Variants in SLC24A2 observed in about 807,000 individuals in gnomAD.
SLC24A2 encodes the protein sodium/potassium/calcium exchanger 2.
A neutral mutation model predicts 62.0 loss-of-function variants in SLC24A2; 36 were observed. That is an observed-to-expected ratio of 0.58 (90% CI 0.44 to 0.77). The LOEUF (loss-of-function observed/expected upper bound fraction) is 0.77. Ranked by LOEUF, SLC24A2 falls within the 30% of genes least tolerant of loss-of-function variation. The pLI is 0.00. For missense variants in SLC24A2, 846 were observed against 817.9 expected (o/e 1.03, Z -0.42); for synonymous variants, 358 against 294.0 (o/e 1.22, Z -2.23).
chr9:19,701,213 T>C (rs969996232), intron 2 of SLC24A2, among the ~76,000 whole-genome samples: 13 of 152,244 alleles, frequency 8.5e-5, no homozygotes, highest in Non-Finnish European at 1.8e-4. Flanking sequence ...GATCTGCATG[T>C]ACCATGACTG....
the SLC24A2 span, among the ~76,000 whole-genome samples, chr9:20,137,341 T>C: frequency 6.6e-6 from 1 of 152,020 alleles, no homozygotes; most frequent in African/African-American, 2.4e-5. Context: ...AGTGGAGGAG[T>C]CTAGGATTTT....
chr9:19,895,509 A>G, the SLC24A2 span, among the ~76,000 whole-genome samples: 1 of 150,210 alleles, frequency 6.7e-6, no homozygotes, highest in African/African-American at 2.5e-5. Context: ...AGTGATATCT[A>G]ACACATTCCC....
the SLC24A2 span, among the ~76,000 whole-genome samples, chr9:20,054,118 T>C: frequency 6.6e-6 from 1 of 152,182 alleles, no homozygotes; most frequent in Admixed American, 6.5e-5. Context: ...TGGTGTTTAG[T>C]TGCATGGAAA....
the SLC24A2 span, among the ~76,000 whole-genome samples, chr9:20,295,036 G>GTA: frequency 0.11 from 15,902 of 145,528 alleles, 1,498 homozygotes; most frequent in East Asian, 0.25. Context: ...GTGTATATAT[G>GTA]TATATATATA....
At chr9:19,941,613 G>GAA in the SLC24A2 span, among the ~76,000 whole-genome samples, 2 of 151,514 alleles carry the variant, frequency 1.3e-5, no homozygotes, top group African/African-American at 2.4e-5. Flanking sequence ...GAGAGAGAAA[G>GAA]AGAGAGTTGT....
At chr9:19,712,495 C>T (rs905073551) in intron 2 of SLC24A2, among the ~76,000 whole-genome samples, 30 of 152,050 alleles carry the variant, frequency 2.0e-4, no homozygotes, top group African/African-American at 7.2e-4. Flanking sequence ...AGCTAGTTCT[C>T]CTTGGGGAGT....
intron 8 of SLC24A2, among the ~76,000 whole-genome samples, chr9:19,548,777 G>T (rs1330964461): frequency 6.6e-6 from 1 of 152,336 alleles, no homozygotes; most frequent in Non-Finnish European, 1.5e-5. Context: ...CATGGCCAGG[G>T]TAGCCACTGG....
At chr9:20,005,980 A>C in the SLC24A2 span, among the ~76,000 whole-genome samples, 1 of 151,758 alleles carries the variant, frequency 6.6e-6, no homozygotes, top group Non-Finnish European at 1.5e-5. Context: ...TCCTTTTAGG[A>C]AATTTGTATA....
the SLC24A2 span, among the ~76,000 whole-genome samples, chr9:20,135,306 A>C: frequency 6.7e-6 from 1 of 149,448 alleles, no homozygotes; most frequent in Non-Finnish European, 1.5e-5. Context: ...TACAATTTAA[A>C]ATTTTAATTT....
At chr9:19,954,264 T>A in the SLC24A2 span, among the ~76,000 whole-genome samples, 2 of 152,118 alleles carry the variant, frequency 1.3e-5, no homozygotes, top group Admixed American at 6.5e-5. Context: ...ATACCTCTAC[T>A]GCAACTTGAG....
the SLC24A2 span, among the ~76,000 whole-genome samples, chr9:19,794,999 C>T: frequency 6.6e-6 from 1 of 152,180 alleles, no homozygotes; most frequent in Admixed American, 6.5e-5. Flanking sequence ...GAGCCATGTG[C>T]CTTGAGCCTC....
chr9:19,918,872 A>G, the SLC24A2 span, among the ~76,000 whole-genome samples: 3 of 152,176 alleles, frequency 2.0e-5, no homozygotes, highest in South Asian at 4.1e-4. Context: ...AAACGCCTAT[A>G]AAAAAGGGGG....
chr9:20,089,447 C>A, the SLC24A2 span, among the ~76,000 whole-genome samples: 1 of 152,076 alleles, frequency 6.6e-6, no homozygotes, highest in African/African-American at 2.4e-5. Flanking sequence ...ACTGCCCTAA[C>A]AGCTCTCAGC....
chr9:19,724,000 T>A (rs1821101928), intron 2 of SLC24A2, among the ~76,000 whole-genome samples: 1 of 152,168 alleles, frequency 6.6e-6, no homozygotes, highest in South Asian at 2.1e-4. Flanking sequence ...CTTTAATTTA[T>A]AACCTAACTC....
At chr9:19,972,945 C>T in the SLC24A2 span, among the ~76,000 whole-genome samples, 3 of 152,214 alleles carry the variant, frequency 2.0e-5, no homozygotes, top group South Asian at 2.1e-4. Context: ...GTTTAAATAA[C>T]GATGTTAAGC....
chr9:19,590,639 C>A (rs1431198292), intron 5 of SLC24A2, among the ~76,000 whole-genome samples: 2 of 152,164 alleles, frequency 1.3e-5, no homozygotes, highest in African/African-American at 4.8e-5. Context: ...TACTTCTGTT[C>A]CCATCTGTGA....
At chr9:19,980,181 C>T in the SLC24A2 span, among the ~76,000 whole-genome samples, 2 of 152,162 alleles carry the variant, frequency 1.3e-5, no homozygotes, top group Non-Finnish European at 1.5e-5. Context: ...TCAAGTGATA[C>T]TTTTCAAATT....
the SLC24A2 span, among the ~76,000 whole-genome samples, chr9:19,952,343 T>C: frequency 1.3e-5 from 2 of 152,050 alleles, no homozygotes; most frequent in Admixed American, 1.3e-4. Flanking sequence ...TGACCTATAG[T>C]TCAAGTTTTG....
rs555596984 is a variant in SLC24A2, at chr9:19,571,905, C to T, written c.1347+1446G>A. On this transcript the variant is annotated intron_variant, in intron 7 of 10. Transcript: ENST00000341998. Reference sequence around the variant, plus strand: ...ACGGTCCTGAGATGAAATCTCAGCTCTACCATCTACAAACTAGGTAACCCC... The same window carrying T: ...ACGGTCCTGAGATGAAATCTCAGCTTTACCATCTACAAACTAGGTAACCCC... Among the ~76,000 whole-genome samples, 39 of 151,040 alleles carry T rather than the reference C, an allele frequency of 2.6e-4. 1 individual carries two copies. The highest frequency in any genetic ancestry group is 3.4e-3 in the Middle Eastern group (1 of 294).
Sources: gnomAD v4.1 joint callset for allele counts (sites outside exome capture counted in the v4.1 genomes callset) on GRCh38, gnomAD v4.1.1 for gene constraint, MANE v1.5 for transcripts, NCBI Gene and HGNC (gene_info 2026-07-23, HGNC 2026-07-21) for gene names.